Variants in MAP3K5 observed in about 807,000 individuals in gnomAD.
MAP3K5 encodes the protein ASK-1.
Under a neutral mutation model 158.7 loss-of-function variants are expected in MAP3K5, and 56 were observed. The observed-to-expected ratio is 0.35, with a 90% confidence interval of 0.28 to 0.44. MAP3K5 has a LOEUF of 0.44. Among genes scored for constraint, MAP3K5 ranks in the 20% least tolerant of loss-of-function variants. The pLI, the probability that MAP3K5 is intolerant of heterozygous loss-of-function variation, is 1.00. For synonymous variants in MAP3K5, 579 were observed against 601.7 expected (o/e 0.96, Z 0.55); for missense variants, 1,294 against 1,674.8 (o/e 0.77, Z 3.97).
At chr6:136,621,116 GTTT>G (rs796594466) in intron 15 of MAP3K5, among the ~76,000 whole-genome samples, 2 of 148,384 alleles carry the variant, frequency 1.3e-5, no homozygotes, top group Middle Eastern at 3.4e-3. Flanking sequence ...TATTGTCCCA[GTTT>G]TTTTTTTCAG....
At chr6:136,675,536 A>G (rs1222665768) in intron 7 of MAP3K5, among the ~76,000 whole-genome samples, 4 of 152,158 alleles carry the variant, frequency 2.6e-5, no homozygotes, top group African/African-American at 9.6e-5. Context: ...AAGGTCAAAG[A>G]AGAAATCATA....
intron 21 of MAP3K5, chr6:136,593,604 A>G: frequency 2.9e-6 from 1 of 346,040 alleles, no homozygotes; most frequent in South Asian, 2.3e-5. Flanking sequence ...AGAAAAACAC[A>G]AAAAGCTCCC....
At chr6:136,692,006 T>A (rs866504383) in intron 7 of MAP3K5, among the ~76,000 whole-genome samples, 16 of 152,250 alleles carry the variant, frequency 1.1e-4, no homozygotes, top group Middle Eastern at 6.8e-3. Context: ...TTTTTCTTAA[T>A]TATGAATCAC....
chr6:136,757,594 T>TA (rs1562679335), intron 1 of MAP3K5, among the ~76,000 whole-genome samples: 1 of 147,302 alleles, frequency 6.8e-6, no homozygotes. Flanking sequence ...TTATTTTTTT[T>TA]TTTTTTTTTT....
intron 29 of MAP3K5, among the ~76,000 whole-genome samples, 169 bp from the exon 30 acceptor site, chr6:136,557,987 T>A (rs1339807214): frequency 6.6e-6 from 1 of 152,236 alleles, no homozygotes; most frequent in Non-Finnish European, 1.5e-5. Context: ...CTTCCCTCCA[T>A]TCCTTCCCTT....
chr6:136,689,687 C>CT (rs1780306532), intron 7 of MAP3K5, among the ~76,000 whole-genome samples: 1 of 152,198 alleles, frequency 6.6e-6, no homozygotes, highest in Non-Finnish European at 1.5e-5. Context: ...TGCCCACTCT[C>CT]TCTTTCCCCT....
At chr6:136,612,860 G>A (rs1183977842) in intron 17 of MAP3K5, among the ~76,000 whole-genome samples, 1 of 152,188 alleles carries the variant, frequency 6.6e-6, no homozygotes, top group African/African-American at 2.4e-5. Flanking sequence ...ACACCACAGA[G>A]CTCCTAGGAA....
At chr6:136,692,901 G>A (rs534883261) in intron 7 of MAP3K5, among the ~76,000 whole-genome samples, 4 of 152,050 alleles carry the variant, frequency 2.6e-5, no homozygotes, top group East Asian at 3.9e-4. Context: ...GGTGGCAGTG[G>A]GCCGAGATTG....
At chr6:136,587,626 T>C (rs1775196416) in intron 23 of MAP3K5, among the ~76,000 whole-genome samples, 1 of 152,166 alleles carries the variant, frequency 6.6e-6, no homozygotes, top group Non-Finnish European at 1.5e-5. Flanking sequence ...TCAGGACCTG[T>C]TCTACCACTG....
At chr6:136,670,587 G>C (rs905161341) in intron 7 of MAP3K5, among the ~76,000 whole-genome samples, 4 of 152,060 alleles carry the variant, frequency 2.6e-5, no homozygotes, top group Non-Finnish European at 5.9e-5. Flanking sequence ...TAAACATAGT[G>C]ATAGGCACAA....
chr6:136,623,138 C>T (rs1776885310), intron 14 of MAP3K5, among the ~76,000 whole-genome samples, 157 bp from the exon 15 acceptor site: 1 of 152,200 alleles, frequency 6.6e-6, no homozygotes, highest in African/African-American at 2.4e-5. Flanking sequence ...CAAATAAATG[C>T]TCCCAACATA....
intron 2 of MAP3K5, among the ~76,000 whole-genome samples, chr6:136,715,047 T>C (rs1273389814): frequency 6.6e-6 from 1 of 152,200 alleles, no homozygotes; most frequent in Admixed American, 6.5e-5. Flanking sequence ...TGGTTAAAGA[T>C]AAAAATACAA....
chr6:136,559,060 A>C (rs1165801033), intron 28 of MAP3K5, among the ~76,000 whole-genome samples, 184 bp from the exon 29 acceptor site: 1 of 152,246 alleles, frequency 6.6e-6, no homozygotes, highest in Non-Finnish European at 1.5e-5. Context: ...ATACAAAGAA[A>C]TGCATCCAGG....
intron 1 of MAP3K5, among the ~76,000 whole-genome samples, chr6:136,734,070 G>C (rs944167307): frequency 6.6e-6 from 1 of 152,028 alleles, no homozygotes; most frequent in South Asian, 2.1e-4. Context: ...AAATGTATAA[G>C]TCAAAATGAA....
At chr6:136,658,409 G>T (rs1778860696) in intron 9 of MAP3K5, among the ~76,000 whole-genome samples, 2 of 148,372 alleles carry the variant, frequency 1.3e-5, no homozygotes, top group South Asian at 4.2e-4. Flanking sequence ...CCGCCTCCTG[G>T]GTTCAAGTGA....
chr6:136,602,225 G>A (rs1048411324), intron 19 of MAP3K5, among the ~76,000 whole-genome samples: 1 of 152,226 alleles, frequency 6.6e-6, no homozygotes, highest in East Asian at 1.9e-4. Flanking sequence ...GCAGCACTAT[G>A]AAGTAATAAT....
At chr6:136,770,112 C>T (rs1784137581) in intron 1 of MAP3K5, among the ~76,000 whole-genome samples, 1 of 152,038 alleles carries the variant, frequency 6.6e-6, no homozygotes, top group South Asian at 2.1e-4. Flanking sequence ...TTATAATGGC[C>T]TCCCTTTTTA....
At chr6:136,604,076 C>T (rs577441844) in intron 19 of MAP3K5, among the ~76,000 whole-genome samples, 4 of 152,230 alleles carry the variant, frequency 2.6e-5, no homozygotes, top group Admixed American at 2.6e-4. Flanking sequence ...AATCCCAACA[C>T]TTTGGGAGGC....
chr6:136,694,136 T>C lies in MAP3K5; in HGVS notation c.1253+4A>G, dbSNP rs754136764. 6 of 1,607,400 alleles carry C rather than the reference T, an allele frequency of 3.7e-6. No individual in the cohort carries two copies. In the East Asian group the frequency reaches 1.3e-4, roughly 36 times the overall value. On this transcript the variant is annotated splice_donor_region_variant and intron_variant, in intron 7 of 29. Transcript: ENST00000359015. ...AGTAGCTCATTTATATACTATTTAC[T>C]TACCAAGAAGCTCCATGGTCTCTGC...
Sources: allele counts gnomAD v4.1 joint callset (sites outside exome capture counted in the v4.1 genomes callset), GRCh38; gene constraint gnomAD v4.1.1; transcripts MANE v1.5; gene names NCBI Gene and HGNC (gene_info 2026-07-23, HGNC 2026-07-21).